The following RGS5 variants were observed in gnomAD, a reference collection of about 807,000 sequenced individuals.
The protein encoded by RGS5 is regulator of G protein signaling 5, also known as regulator of G-protein signalling 5.
RGS5 carries 20 observed loss-of-function variants against 18.9 expected under a neutral mutation model. The observed-to-expected ratio is 1.06, with a 90% CI of 0.74 to 1.54. The LOEUF (loss-of-function observed/expected upper bound fraction) is 1.54, where lower values mean the gene tolerates loss of function less well. RGS5 is among the 40% of genes most tolerant of loss of function. The pLI, the probability that RGS5 is intolerant of heterozygous loss-of-function variation, is 0.00. For missense variants in RGS5, 201 were observed against 211.8 expected, an observed-to-expected ratio of 0.95 and a Z score of 0.32; for synonymous variants, 57 against 76.2, an observed-to-expected ratio of 0.75 and a Z score of 1.31.
chr1:163,320,826 T>C (rs1242929452), intron 1 of RGS5, among the ~76,000 whole-genome samples: 3 of 152,220 alleles, frequency 2.0e-5, no homozygotes, highest in Non-Finnish European at 4.4e-5. Flanking sequence ...ATAGGTTTAG[T>C]TCTTCAGGAC....
At chr1:163,307,247 T>A (rs1649727159) in intron 1 of RGS5, among the ~76,000 whole-genome samples, 2 of 152,144 alleles carry the variant, frequency 1.3e-5, no homozygotes, top group Non-Finnish European at 2.9e-5. Context: ...GATGACAATG[T>A]CAAGTAAAAA....
At chr1:163,167,503 G>A (rs1264383265) in intron 2 of RGS5, among the ~76,000 whole-genome samples, 1 of 152,194 alleles carries the variant, frequency 6.6e-6, no homozygotes, top group Non-Finnish European at 1.5e-5. Context: ...TGCACACTGT[G>A]AGACCTGGAT....
At chr1:163,172,881 T>C (rs1169476200) in intron 1 of RGS5, among the ~76,000 whole-genome samples, 2 of 152,198 alleles carry the variant, frequency 1.3e-5, no homozygotes, top group East Asian at 1.9e-4. Context: ...TAATGTTAGA[T>C]TTGTTTTACT....
In RGS5 at chr1:163,301,473, C is replaced by T. The variant is rs564491906; in HGVS notation, c.-281+4760G>A. Among the ~76,000 whole-genome samples, 21 of 152,198 alleles carry T rather than the reference C, an allele frequency of 1.4e-4. No individual in the cohort carries two copies. The South Asian group carries it at 2.3e-3, about 17-fold the overall frequency. On this transcript the variant is annotated intron_variant, in intron 2 of 5. Coordinates refer to the RGS5 transcript ENST00000618415. ...TCAGCTTCCTGAGTATCTGGAACTACGGGTGTGTGCCACCACACCCAGTTA... is the reference window on the plus strand; with the variant it reads ...TCAGCTTCCTGAGTATCTGGAACTATGGGTGTGTGCCACCACACCCAGTTA...
intron 2 of RGS5, among the ~76,000 whole-genome samples, chr1:163,259,355 G>A (rs958013844): frequency 1.3e-5 from 2 of 151,024 alleles, no homozygotes; most frequent in African/African-American, 2.4e-5. Context: ...CAGTAGAGAC[G>A]GGGTTTCACC....
At chr1:163,289,190 T>C (rs1649217343) in intron 2 of RGS5, among the ~76,000 whole-genome samples, 1 of 152,046 alleles carries the variant, frequency 6.6e-6, no homozygotes, top group Non-Finnish European at 1.5e-5. Flanking sequence ...ACTTAGTTCC[T>C]ACCTAGCAAA....
chr1:163,285,266 T>C (rs1007576934), intron 2 of RGS5, among the ~76,000 whole-genome samples: 1 of 152,054 alleles, frequency 6.6e-6, no homozygotes, highest in Admixed American at 6.6e-5. Context: ...TTTAAAGTAT[T>C]GATATGGGCT....
At chr1:163,240,374 T>G (rs11580862) in intron 2 of RGS5, among the ~76,000 whole-genome samples, 3,414 of 151,854 alleles carry the variant, frequency 0.022, 39 homozygotes, top group Middle Eastern at 0.038. Context: ...GAATGTATAC[T>G]CTATGGTTTC....
In RGS5 at chr1:163,216,424, C is replaced by A. The variant is rs147041090; in HGVS notation, c.69+1102G>T. 5.1e-3 allele frequency among the ~76,000 whole-genome samples: 779 copies of A among 152,188 alleles called. 10 individuals carry two copies. The highest frequency in any genetic ancestry group is 0.018 in the African/African-American group (727 of 41,540). ...GACTCACAAACCAGATGGGCTCCAG[C>A]CTTCACAGATTTCCCCCACTGTCTT... On this transcript the variant is annotated intron_variant, in intron 1 of 5. Transcript: ENST00000367903.
chr1:163,293,777 T>C (rs568513485), intron 2 of RGS5, among the ~76,000 whole-genome samples: 52 of 152,300 alleles, frequency 3.4e-4, no homozygotes, highest in African/African-American at 6.7e-4. Flanking sequence ...ACTTCCAAGA[T>C]ACAATGGAGG....
chr1:163,270,747 T>C (rs114618826), intron 2 of RGS5, among the ~76,000 whole-genome samples: 2,215 of 152,218 alleles, frequency 0.015, 62 homozygotes, highest in African/African-American at 0.05. Flanking sequence ...CCTCCAACGA[T>C]AACAGAAAAT....
intron 2 of RGS5, among the ~76,000 whole-genome samples, chr1:163,270,348 T>C (rs1408431135): frequency 9.2e-6 from 1 of 109,288 alleles, no homozygotes; most frequent in Admixed American, 9.4e-5. Flanking sequence ...CTCATCTCTA[T>C]TGAGAAAAAA....
At chr1:163,243,234 T>C (rs11582479) in intron 2 of RGS5, among the ~76,000 whole-genome samples, 32,454 of 151,944 alleles carry the variant, frequency 0.21, 3,711 homozygotes, top group African/African-American at 0.3. Context: ...AAGTGGGAGA[T>C]GAACAGTGAG....
intron 2 of RGS5, chr1:163,248,239 A>G (rs1445461237): frequency 6.6e-6 from 1 of 152,010 alleles, no homozygotes; most frequent in Non-Finnish European, 1.5e-5. Flanking sequence ...GCATAACTGG[A>G]TCTCATCCTC....
chr1:163,147,884 T>C (rs1459328167), intron 4 of RGS5, among the ~76,000 whole-genome samples: 2 of 150,970 alleles, frequency 1.3e-5, no homozygotes, highest in East Asian at 3.9e-4. Context: ...GAATCAGAAT[T>C]TGAATCCAGG....
At chr1:163,199,876 A>ACCACTC in intron 1 of RGS5, among the ~76,000 whole-genome samples, 1 of 152,004 alleles carries the variant, frequency 6.6e-6, no homozygotes, top group Admixed American at 6.6e-5. Context: ...GTGCAATATG[A>ACCACTC]CTCACTGCAG....
chr1:163,269,746 C>T (rs897003394), intron 2 of RGS5, among the ~76,000 whole-genome samples: 1 of 152,092 alleles, frequency 6.6e-6, no homozygotes, highest in African/African-American at 2.4e-5. Flanking sequence ...CTACTATTCA[C>T]CTCATTTGGT....
intron 2 of RGS5, among the ~76,000 whole-genome samples, chr1:163,294,755 A>T (rs926657109): frequency 6.6e-6 from 1 of 152,172 alleles, no homozygotes; most frequent in African/African-American, 2.4e-5. Flanking sequence ...CTTTTTAAAC[A>T]TAGGTTCTAA....
chr1:163,309,701 T>C (rs1035622170), intron 1 of RGS5, among the ~76,000 whole-genome samples: 2 of 152,036 alleles, frequency 1.3e-5, no homozygotes, highest in African/African-American at 4.8e-5. Flanking sequence ...ATTCCTATTA[T>C]AATAAATTGA....
Sources: gnomAD v4.1 joint callset for allele counts (sites outside exome capture counted in the v4.1 genomes callset) on GRCh38, gnomAD v4.1.1 for gene constraint, MANE v1.5 for transcripts, NCBI Gene and HGNC (gene_info 2026-07-23, HGNC 2026-07-21) for gene names.